The following BSG variants were observed in gnomAD, a reference collection of about 807,000 sequenced individuals.
BSG encodes the protein basigin.
In BSG, 37 loss-of-function variants were observed where a neutral mutation model predicts 43.1. The ratio of observed to expected loss-of-function variants is 0.86; its 90% CI spans 0.66 to 1.13. BSG has a LOEUF of 1.13. Among genes scored for constraint, BSG ranks in the 50% most tolerant of loss-of-function variants. BSG has a pLI of 0.00. For missense variants in BSG, 599 were observed against 554.2 expected, an observed-to-expected ratio of 1.08 and a Z score of -0.81; for synonymous variants, 309 against 238.7, an observed-to-expected ratio of 1.29 and a Z score of -2.72.
chr19:572,335 A>C, upstream of BSG: 1 of 1,002,702 alleles, frequency 1.0e-6, no homozygotes, highest in Non-Finnish European at 1.2e-6. Flanking sequence ...GAAAGCAGGA[A>C]GGAAGAAATG....
intron 1 of BSG, among the ~76,000 whole-genome samples, chr19:574,057 C>A (rs1981535272): frequency 6.7e-6 from 1 of 149,218 alleles, no homozygotes; most frequent in Admixed American, 6.7e-5. Flanking sequence ...GAGTTCAAGA[C>A]CAGCCTGGCC....
rs1162190257 is a variant in BSG at position 572,685 on chromosome 19, C to G, written c.51C>G (p.His17Gln). The part of the protein sequence containing the change: ...VLLGFALLGT[H>Q]GASGAAGFVQ... ...TGGGATTCGCGCTGCTGGGCACCCA[C>G]GGAGCCTCCGGGGCTGGTGAGGAGC... Residue 17 changes from histidine (H) to glutamine (Q), a missense_variant, in exon 1 of 9, where the codon CAC becomes CAG. Physicochemically the swap from His to Gln is conservative, Grantham distance 24. Coordinates refer to ENST00000333511, the MANE Select transcript of BSG (RefSeq NM_001728.4). 6 of 1,493,374 alleles carry G rather than the reference C, an allele frequency of 4.0e-6. No homozygotes were observed. The highest frequency in any genetic ancestry group is 5.4e-6 in the Non-Finnish European group (6 of 1,117,816). 92.5% of individuals were successfully genotyped at this position (1,493,374 alleles called of 1,614,324 possible). A position where few individuals can be genotyped will look rare whatever the true frequency, so the allele number is the denominator to read the frequency against.
rs1219584352 is a variant in BSG, at chr19:572,598, C to T, written c.-37C>T. 20 of 1,454,970 alleles carry T rather than the reference C, an allele frequency of 1.4e-5. No individual in the cohort carries two copies. The Middle Eastern group carries it at 8.8e-4, about 64-fold the overall frequency. The allele number at this position is 1,454,970 out of a possible 1,614,324, so 90.1% of individuals were successfully genotyped here. A position where few individuals can be genotyped will look rare whatever the true frequency, so the allele number is the denominator to read the frequency against. On this transcript the variant is annotated 5_prime_UTR_variant, in exon 1 of 9. Transcript: ENST00000333511. ...TAGCGGCCGCGGGCGGCGGCGGCAGCGGTTGGAGGTTGTAGGACCGGCGAG... is the reference window on the plus strand; with the variant it reads ...TAGCGGCCGCGGGCGGCGGCGGCAGTGGTTGGAGGTTGTAGGACCGGCGAG...
rs1424645385 is a variant in BSG, at chr19:581,102, G to A, written c.793-213G>A. Among the ~76,000 whole-genome samples, 6 of 83,352 alleles carry A rather than the reference G, an allele frequency of 7.2e-5. 1 individual carries two copies. The highest frequency in any genetic ancestry group is 2.2e-5 in the Non-Finnish European group (1 of 44,884). 54.7% of individuals were successfully genotyped at this position (83,352 alleles called of 152,430 possible). A position where few individuals can be genotyped will look rare whatever the true frequency, so the allele number is the denominator to read the frequency against. The stretch of plus-strand genomic sequence containing the variant: ...GTGAGGGGCCTAGACTGGGGGTCCC[G>A]GACCCAGCCCTCAGGACTGGGTGAG... On this transcript the variant is annotated intron_variant, in intron 5 of 8. Transcript: ENST00000333511.
chr19:577,596 C>G lies in BSG; in HGVS notation c.68-178C>G, dbSNP rs28921983. ...GTGAGGTAGCAGTGGACGGGACGCC[C>G]ACGGTCTTTCCCATGCCATGCTGTT... On this transcript the variant is annotated intron_variant, in intron 1 of 8. Coordinates refer to ENST00000333511, the MANE Select transcript of BSG (RefSeq NM_001728.4). Among the ~76,000 whole-genome samples the G allele has an allele frequency of 3.4e-3, 522 of 152,332 alleles. 1 individual carries two copies. Among genetic ancestry groups the G allele is most frequent in the African/African-American group, 0.012 (497 of 41,580 alleles).
At chr19:572,483 G>A (rs528453463), upstream of BSG, 24 of 1,180,344 alleles carry the variant, frequency 2.0e-5, no homozygotes, top group South Asian at 8.0e-4. Context: ...CGCGTGCGCA[G>A]GCGGGGCGAC....
intron 1 of BSG, among the ~76,000 whole-genome samples, chr19:573,312 G>A (rs1281393315): frequency 6.6e-6 from 1 of 152,090 alleles, no homozygotes; most frequent in Non-Finnish European, 1.5e-5. Flanking sequence ...CGAGTGTTAG[G>A]GTCAGAGACC....
In BSG at chr19:582,751, T is replaced by G; in HGVS notation, c.*7T>G. Reference sequence around the variant, plus strand: ...CTGAGCGCCCCTCCCTGTCCACAGGTGGCCCGAGGACGCTCCCTGCTCCAC... The same window carrying G: ...CTGAGCGCCCCTCCCTGTCCACAGGGGGCCCGAGGACGCTCCCTGCTCCAC... On this transcript the variant is annotated splice_region_variant and 3_prime_UTR_variant, in exon 9 of 9. Coordinates refer to ENST00000333511, the MANE Select transcript of BSG (RefSeq NM_001728.4). The G allele has an allele frequency of 1.4e-6, 1 of 704,988 alleles. No homozygotes were observed. The highest frequency in any genetic ancestry group is 1.8e-5 in the South Asian group (1 of 54,128). 43.7% of individuals were successfully genotyped at this position (704,988 alleles called of 1,614,324 possible).
In BSG at chr19:575,818, C is replaced by T. The variant is rs2238541; in HGVS notation, c.68-1956C>T. 5.0e-3 allele frequency among the ~76,000 whole-genome samples: 761 copies of T among 152,056 alleles called. 16 individuals carry two copies. Among genetic ancestry groups the T allele is most frequent in the East Asian group, 0.03 (153 of 5,148 alleles). On this transcript the variant is annotated intron_variant, in intron 1 of 8. Coordinates refer to ENST00000333511, the MANE Select transcript of BSG (RefSeq NM_001728.4). ...GGGGCTGTGGCCGAGGGTCAGGCGC[C>T]GTCCCTCCTCCTGCTGCTCATGGGT...
At chr19:574,874 G>T (rs1981626131) in intron 1 of BSG, among the ~76,000 whole-genome samples, 1 of 152,224 alleles carries the variant, frequency 6.6e-6, no homozygotes, top group Admixed American at 6.5e-5. Context: ...CATGGGTGAG[G>T]TGAGCGCGGA....
chr19:573,546 A>G (rs1981483592), intron 1 of BSG, among the ~76,000 whole-genome samples: 1 of 152,194 alleles, frequency 6.6e-6, no homozygotes, highest in South Asian at 2.1e-4. Context: ...CAGACTCTTA[A>G]GACCTCGCAG....
At chr19:573,516 C>T (rs1981480499) in intron 1 of BSG, among the ~76,000 whole-genome samples, 1 of 152,196 alleles carries the variant, frequency 6.6e-6, no homozygotes, top group Non-Finnish European at 1.5e-5. Flanking sequence ...AGGGCGTGCA[C>T]CTGCCCCCGG....
At position 580,680 on chromosome 19, in the gene BSG, A is replaced by T. The variant is rs779200158; in HGVS notation, c.690A>T (p.Glu230Asp). The T allele has an allele frequency of 1.1e-5, 17 of 1,612,878 alleles. No individual in the cohort carries two copies. In the East Asian group the frequency reaches 3.8e-4, roughly 36 times the overall value. The change falls in exon 5 of 9, where the codon GAA becomes GAT. Residue 230 changes from glutamate (E) to aspartate (D), a missense_variant. Physicochemically the swap from Glu to Asp is conservative, Grantham distance 45. Transcript: ENST00000333511. ...GAGTGAAGGCTGTGAAGTCGTCAGA[A>T]CACATCAACGAGGGGGAGACGGCCA... ...PPRVKAVKSS[E>D]HINEGETAML...
chr19:578,330 A>C (rs1465661577), intron 2 of BSG: 1 of 475,364 alleles, frequency 2.1e-6, no homozygotes. Context: ...GGCTCGGGGC[A>C]GGCAGGGCTC....
upstream of BSG, chr19:571,479 G>T: frequency 1.3e-6 from 1 of 776,666 alleles, no homozygotes; most frequent in Non-Finnish European, 2.4e-6. Context: ...TCCTACCCGC[G>T]TTGCTGAGAG....
rs1324554795 is a variant in BSG at position 582,884 on chromosome 19, TA to T, written c.*146del. ...TCCCATCATACACTTCCTTCTTTTT[TA>T]AAAAAGTTGGGTTTTCTCCATTCAG... On this transcript the variant is annotated 3_prime_UTR_variant, in exon 9 of 9. Coordinates refer to ENST00000333511, the MANE Select transcript of BSG (RefSeq NM_001728.4). 4 of 441,132 alleles carry T rather than the reference TA, an allele frequency of 9.1e-6. No homozygotes were observed. The highest frequency in any genetic ancestry group is 8.1e-5 in the Admixed American group (2 of 24,654). The allele number at this position is 441,132 out of a possible 1,614,324, so 27.3% of individuals were successfully genotyped here. A position where few individuals can be genotyped will look rare whatever the true frequency, so the allele number is the denominator to read the frequency against.
chr19:573,090 C>T (rs1212624856), intron 1 of BSG, among the ~76,000 whole-genome samples: 2 of 152,184 alleles, frequency 1.3e-5, no homozygotes, highest in Non-Finnish European at 2.9e-5. Context: ...TGGGTGAGGG[C>T]GTCTGCGAAG....
At chr19:581,045 C>T (rs12983518) in intron 5 of BSG, among the ~76,000 whole-genome samples, 1 of 74,580 alleles carries the variant, frequency 1.3e-5, no homozygotes, top group African/African-American at 7.7e-5. Context: ...GGTCCCGGAC[C>T]CAGCCCTCTG....
chr19:581,396 A>G lies in BSG; in HGVS notation c.874A>G (p.Met292Val), dbSNP rs766140175. The G allele has an allele frequency of 1.9e-6, 3 of 1,612,818 alleles. No individual in the cohort carries two copies. Among genetic ancestry groups the G allele is most frequent in the South Asian group, 1.1e-5 (1 of 91,086 alleles). Residue 292 changes from methionine (M) to valine (V), a missense_variant, in exon 6 of 9, where the codon ATG becomes GTG. Transcript: ENST00000333511. ...RSELHIENLN[M>V]EADPGQYRCN... The stretch of plus-strand genomic sequence containing the variant: ...AGAGCTACACATTGAGAACCTGAAC[A>G]TGGAGGCCGACCCCGGCCAGTACCG...
Sources: allele counts gnomAD v4.1 joint callset (sites outside exome capture counted in the v4.1 genomes callset), GRCh38; gene constraint gnomAD v4.1.1; transcripts MANE v1.5; gene names NCBI Gene and HGNC (gene_info 2026-07-23, HGNC 2026-07-21).